Variants in DSTN observed in about 807,000 individuals in gnomAD.
DSTN encodes the protein destrin.
Under a neutral mutation model 16.8 loss-of-function variants are expected in DSTN, and 10 were observed. The observed-to-expected ratio is 0.60, with a 90% CI of 0.37 to 1.01. The LOEUF (loss-of-function observed/expected upper bound fraction) is 1.01. Ranked by LOEUF, DSTN falls within the 50% of genes least tolerant of loss-of-function variation. The probability of loss-of-function intolerance (pLI) is 0.01; values close to 1 mark genes in which losing one functional copy is unlikely to be tolerated. For missense variants in DSTN, 141 were observed against 196.7 expected, an observed-to-expected ratio of 0.72 and a Z score of 1.69; for synonymous variants, 57 against 58.9, an observed-to-expected ratio of 0.97 and a Z score of 0.14.
At chr20:17,596,975 G>A (rs1261485436) in intron 1 of DSTN, among the ~76,000 whole-genome samples, 2 of 152,212 alleles carry the variant, frequency 1.3e-5, no homozygotes, top group Non-Finnish European at 2.9e-5. Context: ...GGCTTTAGAT[G>A]TTGCCTTCCT....
At chr20:17,592,634 T>C (rs533366678) in intron 1 of DSTN, among the ~76,000 whole-genome samples, 9 of 152,188 alleles carry the variant, frequency 5.9e-5, no homozygotes, top group Non-Finnish European at 8.8e-5. Context: ...GTGTTACTAG[T>C]CATGAAGAGC....
chr20:17,572,262 C>A (rs2035215585), intron 1 of DSTN, among the ~76,000 whole-genome samples: 1 of 152,226 alleles, frequency 6.6e-6, no homozygotes, highest in African/African-American at 2.4e-5. Flanking sequence ...TAGATGTTTT[C>A]AGATGTCTCC....
intron 3 of DSTN, among the ~76,000 whole-genome samples, chr20:17,606,407 A>G (rs1020765439): frequency 6.6e-6 from 1 of 152,254 alleles, no homozygotes; most frequent in Non-Finnish European, 1.5e-5. Context: ...GATCGATTTC[A>G]TAAATGTGTA....
At chr20:17,580,807 A>G (rs2035335058) in intron 1 of DSTN, among the ~76,000 whole-genome samples, 2 of 152,060 alleles carry the variant, frequency 1.3e-5, no homozygotes, top group African/African-American at 2.4e-5. Context: ...TAGAATTTAG[A>G]GAAGGCCTCT....
At chr20:17,595,329 A>G (rs2035514660) in intron 1 of DSTN, among the ~76,000 whole-genome samples, 1 of 152,188 alleles carries the variant, frequency 6.6e-6, no homozygotes, top group South Asian at 2.1e-4. Flanking sequence ...CACAGAGAAA[A>G]TAGAATCTTT....
intron 1 of DSTN, among the ~76,000 whole-genome samples, chr20:17,596,378 T>G (rs1277784445): frequency 1.3e-5 from 2 of 152,194 alleles, no homozygotes; most frequent in Non-Finnish European, 2.9e-5. Flanking sequence ...TGCCACTGTC[T>G]GGTCATCTCC....
intron 1 of DSTN, among the ~76,000 whole-genome samples, chr20:17,588,657 G>A (rs563567525): frequency 1.4e-4 from 21 of 152,264 alleles, no homozygotes; most frequent in African/African-American, 4.6e-4. Context: ...GGTGGCGGGC[G>A]CCTGTAGTCC....
intron 1 of DSTN, among the ~76,000 whole-genome samples, chr20:17,592,912 T>C (rs1436876792): frequency 2.0e-5 from 3 of 152,216 alleles, no homozygotes; most frequent in Admixed American, 2.0e-4. Flanking sequence ...GTTGCTGAAT[T>C]AGCCTTTTAG....
At chr20:17,570,249 C>T in intron 1 of DSTN, 38 bp downstream of exon 1, 4 of 1,482,230 alleles carry the variant, frequency 2.7e-6, no homozygotes, top group South Asian at 1.3e-5. Flanking sequence ...GCCGAGGCGG[C>T]CGGGAGCAGT....
intron 3 of DSTN, among the ~76,000 whole-genome samples, chr20:17,605,919 A>C (rs1481044051): frequency 2.0e-5 from 3 of 151,316 alleles, no homozygotes; most frequent in African/African-American, 7.3e-5. Context: ...CCTGACCAAC[A>C]TGGTGAAACC....
intron 1 of DSTN, among the ~76,000 whole-genome samples, chr20:17,578,014 A>T (rs2035298917): frequency 1.3e-5 from 2 of 152,276 alleles, no homozygotes; most frequent in Admixed American, 1.3e-4. Context: ...GTTAAGTCAC[A>T]TGTGGCTAGT....
At chr20:17,579,452 G>A (rs753151265) in intron 1 of DSTN, among the ~76,000 whole-genome samples, 2 of 151,824 alleles carry the variant, frequency 1.3e-5, no homozygotes, top group African/African-American at 4.8e-5. Context: ...GTGTGGCAGC[G>A]CATGCCTGTG....
intron 1 of DSTN, among the ~76,000 whole-genome samples, chr20:17,576,841 C>G (rs2035284252): frequency 6.6e-6 from 1 of 152,186 alleles, no homozygotes; most frequent in Admixed American, 6.6e-5. Context: ...GGCTTGCTTT[C>G]AGAAAATAGC....
rs972485837 is a variant in DSTN, at chr20:17,589,545, A to G, written c.4-11193A>G. Among the ~76,000 whole-genome samples the G allele has an allele frequency of 2.0e-5, 3 of 152,178 alleles. No homozygotes were observed. The East Asian group carries it at 5.8e-4, about 29-fold the overall frequency. ...ATATAGGACCTGTGAGGCCCTGAACACTTCTGTGAAGCAGAAATGTGCTGA... is the reference window on the plus strand; with the variant it reads ...ATATAGGACCTGTGAGGCCCTGAACGCTTCTGTGAAGCAGAAATGTGCTGA... On this transcript the variant is annotated intron_variant, in intron 1 of 3. Transcript: ENST00000246069.
Position 17,600,774 on chromosome 20 carries a change from A to G in DSTN, c.40A>G (p.Ile14Val). 6.2e-7 allele frequency: 1 copy of G among 1,612,864 alleles called. No individual in the cohort carries two copies. Among genetic ancestry groups the G allele is most frequent in the Non-Finnish European group, 8.5e-7 (1 of 1,179,240 alleles). Residue 14 changes from isoleucine to valine, a missense_variant, in exon 2 of 4, where the codon ATT becomes GTT. Transcript: ENST00000246069. Reference protein sequence around the residue: ...GVQVADEVCRIFYDMKVRKCS... With the variant: ...GVQVADEVCRVFYDMKVRKCS... ...GCAAGTAGCTGATGAAGTATGTCGC[A>G]TTTTTTATGACATGAAAGTTCGTAA...
At chr20:17,591,318 A>G (rs1033627311) in intron 1 of DSTN, among the ~76,000 whole-genome samples, 2 of 150,866 alleles carry the variant, frequency 1.3e-5, no homozygotes, top group Non-Finnish European at 2.9e-5. Flanking sequence ...TATTATAGAT[A>G]AACTATTATT....
At chr20:17,605,184 C>A in intron 3 of DSTN, 2 of 456,266 alleles carry the variant, frequency 4.4e-6, no homozygotes, top group South Asian at 1.5e-5. Flanking sequence ...GATGAGATGG[C>A]CTGGCCAGAC....
chr20:17,604,993 AGTT>A (rs2035626671), intron 3 of DSTN: 2 of 457,292 alleles, frequency 4.4e-6, no homozygotes, highest in Non-Finnish European at 8.7e-6. Flanking sequence ...CTTTGAATGT[AGTT>A]GTTATAATAA....
intron 1 of DSTN, chr20:17,591,885 G>T: frequency 1.0e-6 from 1 of 985,332 alleles, no homozygotes; most frequent in Non-Finnish European, 1.2e-6. Context: ...ATAAATTGCA[G>T]TTACTTTAAT....
Sources: allele counts gnomAD v4.1 joint callset (sites outside exome capture counted in the v4.1 genomes callset), GRCh38; gene constraint gnomAD v4.1.1; transcripts MANE v1.5; gene names NCBI Gene and HGNC (gene_info 2026-07-23, HGNC 2026-07-21).